Variants in ZNF506 observed in about 807,000 individuals in gnomAD.
ZNF506 encodes the protein zinc finger protein 506.
In ZNF506, 10 loss-of-function variants were observed where a neutral mutation model predicts 11.6. The ratio of observed to expected loss-of-function variants is 0.86; its 90% CI spans 0.53 to 1.46. The LOEUF (loss-of-function observed/expected upper bound fraction) is 1.46, where lower values mean the gene tolerates loss of function less well. Among genes scored for constraint, ZNF506 ranks in the 40% most tolerant of loss-of-function variants. ZNF506 has a pLI of 0.00. For synonymous variants in ZNF506, 156 were observed against 173.3 expected (o/e 0.90, Z 0.78); for missense variants, 425 against 521.2 (o/e 0.82, Z 1.80).
intron 2 of ZNF506, 45 bp from the exon 3 acceptor site, chr19:19,806,171 C>T: frequency 7.1e-7 from 1 of 1,415,578 alleles, no homozygotes; most frequent in Non-Finnish European, 9.8e-7. Flanking sequence ...TCATATTCTC[C>T]AATTACAAGC....
rs200526828 is a variant in ZNF506, at chr19:19,794,702, T to G, written c.1185A>C (p.Lys395Asn). Residue 395 changes from lysine to asparagine, a missense_variant, in exon 4 of 4, where the codon AAA (lysine) becomes AAC (asparagine). Coordinates refer to ENST00000540806, the MANE Select transcript of ZNF506 (RefSeq NM_001099269.3). ...TGCCACATTCTTCACATTTGTACGGTTTCTCTCCAGTATGAATTATCTTAT... is the reference window on the plus strand; with the variant it reads ...TGCCACATTCTTCACATTTGTACGGGTTCTCTCCAGTATGAATTATCTTAT... The part of the protein sequence containing the change: ...TEHKIIHTGE[K>N]PYKCEECGKA... 2.5e-5 allele frequency: 40 copies of G among 1,614,050 alleles called. No individual in the cohort carries two copies. The East Asian group carries it at 8.7e-4, about 35-fold the overall frequency.
At chr19:19,802,600 G>A (rs987310341) in intron 3 of ZNF506, among the ~76,000 whole-genome samples, 1 of 152,158 alleles carries the variant, frequency 6.6e-6, no homozygotes, top group African/African-American at 2.4e-5. Flanking sequence ...TGAAAATTCT[G>A]TAATTCCCTT....
intron 3 of ZNF506, among the ~76,000 whole-genome samples, chr19:19,801,256 C>CA: frequency 6.6e-6 from 1 of 152,032 alleles, no homozygotes; most frequent in Admixed American, 6.6e-5. Flanking sequence ...TTTGGGAGGC[C>CA]AAGGCGGGTG....
chr19:19,802,143 T>G (rs2062799505), intron 3 of ZNF506, among the ~76,000 whole-genome samples: 2 of 148,370 alleles, frequency 1.3e-5, no homozygotes, highest in South Asian at 4.2e-4. Context: ...AGGTGGAGGT[T>G]GAGGTGAGCC....
At chr19:19,807,771 G>T (rs2062846825) in intron 1 of ZNF506, among the ~76,000 whole-genome samples, 1 of 152,104 alleles carries the variant, frequency 6.6e-6, no homozygotes. Context: ...GCCTCCCAAA[G>T]TGCTGGGATT....
rs375550633 is a variant in ZNF506 at position 19,806,017 on chromosome 19, T to G, written c.226+14A>C. 6.3e-7 allele frequency: 1 copy of G among 1,597,164 alleles called. No homozygotes were observed. Among genetic ancestry groups the G allele is most frequent in the Non-Finnish European group, 8.5e-7 (1 of 1,173,500 alleles). On this transcript the variant is annotated intron_variant, in intron 3 of 3. Coordinates refer to ENST00000540806, the MANE Select transcript of ZNF506 (RefSeq NM_001099269.3). The stretch of plus-strand genomic sequence containing the variant: ...TCTGTGTTGTCTGTCCTATTCATTT[T>G]CACTCGCACCTACCTGGGGGTTTGG...
At chr19:19,817,434 A>AT (rs59740974) in intron 1 of ZNF506, among the ~76,000 whole-genome samples, 1,318 of 46,188 alleles carry the variant, frequency 0.029, 16 homozygotes, top group African/African-American at 0.074. Flanking sequence ...CGTAAATCTG[A>AT]TTTTTTTTTT....
intron 3 of ZNF506, chr19:19,799,010 T>C (rs2062768867): frequency 6.6e-6 from 1 of 152,592 alleles, no homozygotes; most frequent in Non-Finnish European, 1.5e-5. Flanking sequence ...ACTAACAAAA[T>C]GAGAGCAGAA....
intron 1 of ZNF506, among the ~76,000 whole-genome samples, chr19:19,807,453 C>T (rs925691512): frequency 5.3e-5 from 8 of 152,064 alleles, no homozygotes; most frequent in African/African-American, 1.7e-4. Flanking sequence ...AATAAGCTGA[C>T]GACCTTGTTA....
Position 19,793,549 on chromosome 19 carries a change from A to C in ZNF506, c.*1003T>G, listed in dbSNP as rs945673106. On this transcript the variant is annotated 3_prime_UTR_variant, in exon 4 of 4. Coordinates refer to ENST00000540806, the MANE Select transcript of ZNF506 (RefSeq NM_001099269.3). ...TCTGTGATACAAGTAAAGGTACTAC[A>C]ACCCCCCCTTATATTTGTAATAGCT... 5.3e-5 allele frequency among the ~76,000 whole-genome samples: 8 copies of C among 152,212 alleles called. No homozygotes were observed. Among genetic ancestry groups the C allele is most frequent in the African/African-American group, 1.9e-4 (8 of 41,460 alleles).
rs757160026 is a variant in ZNF506 at position 19,808,108 on chromosome 19, C to CTTTTTTTTTTTTTTTTTTTTTTTT, written c.4-1064_4-1041dup. On this transcript the variant is annotated intron_variant, in intron 1 of 3. Transcript: ENST00000540806. ...ACTTAACCAAGTGAATCATTAACCA[C>CTTTTTTTTTTTTTTTTTTTTTTTT]TTTTTTTTTTTTTTTTTTTTTTTTT... Among the ~76,000 whole-genome samples the CTTTTTTTTTTTTTTTTTTTTTTTT allele has an allele frequency of 5.3e-5, 3 of 56,730 alleles. 1 individual carries two copies. Among genetic ancestry groups the CTTTTTTTTTTTTTTTTTTTTTTTT allele is most frequent in the Admixed American group, 2.7e-4 (1 of 3,742 alleles). The allele number at this position is 56,730 out of a possible 152,430, so 37.2% of individuals were successfully genotyped here.
In ZNF506 at chr19:19,813,845, G is replaced by A. The variant is rs115266021; in HGVS notation, c.4-6777C>T. 3.5e-3 allele frequency among the ~76,000 whole-genome samples: 526 copies of A among 152,164 alleles called. 5 individuals are homozygous for A. Among genetic ancestry groups the A allele is most frequent in the African/African-American group, 0.012 (503 of 41,508 alleles). On this transcript the variant is annotated intron_variant, in intron 1 of 3. Transcript: ENST00000540806. ...AGAAAAACTGGCCAGGTGTGGTAAC[G>A]CCCGCATGTAGTCCCAGCTACTTGG...
intron 3 of ZNF506, among the ~76,000 whole-genome samples, chr19:19,800,896 C>A (rs1465391906): frequency 6.6e-6 from 1 of 151,914 alleles, no homozygotes; most frequent in Non-Finnish European, 1.5e-5. Context: ...AGCGGTGGCT[C>A]GCACCTGTAA....
In ZNF506 at chr19:19,807,031, GAGA is replaced by G. The variant is rs1432825360; in HGVS notation, c.38_40del (p.Phe13del). ...GTCCAGGCAATGCCACTCCTCCAGA[GAGA>G]ATTCTATGGCCACATCTCTAAATTG... On this transcript the variant is annotated inframe_deletion, in exon 2 of 4. Coordinates refer to ENST00000540806, the MANE Select transcript of ZNF506 (RefSeq NM_001099269.3). 6.2e-7 allele frequency: 1 copy of G among 1,614,006 alleles called. No individual in the cohort carries two copies. The highest frequency in any genetic ancestry group is 1.3e-5 in the African/African-American group (1 of 75,026).
At chr19:19,804,938 T>TCC (rs1568476497) in intron 3 of ZNF506, among the ~76,000 whole-genome samples, 7 of 143,916 alleles carry the variant, frequency 4.9e-5, no homozygotes, top group African/African-American at 1.6e-4. Context: ...TGTCATGGGG[T>TCC]GGGGGGATGG....
intron 1 of ZNF506, among the ~76,000 whole-genome samples, chr19:19,811,394 A>G (rs60041535): frequency 0.2 from 30,735 of 152,074 alleles, 3,222 homozygotes; most frequent in East Asian, 0.29. Context: ...TCCTGACCTC[A>G]TGATTCGCCT....
chr19:19,814,855 G>A (rs2062916796), intron 1 of ZNF506, among the ~76,000 whole-genome samples: 1 of 152,154 alleles, frequency 6.6e-6, no homozygotes, highest in Non-Finnish European at 1.5e-5. Context: ...AAAATGCTAG[G>A]ATGGTGGAGA....
chr19:19,798,307 T>C (rs1426400248), intron 3 of ZNF506: 1 of 152,084 alleles, frequency 6.6e-6, no homozygotes, highest in African/African-American at 2.4e-5. Context: ...TTAAAATATA[T>C]TGTTGGATCT....
chr19:19,821,681 G>C lies in ZNF506; in HGVS notation c.-78C>G, dbSNP rs139710008. ...GCAGGTCACAGGGCCACAGAGGCTG[G>C]GCCTCTAGGAGCTGACGGCACAGAG... On this transcript the variant is annotated 5_prime_UTR_variant, in exon 1 of 4. Transcript: ENST00000540806. 8.1e-4 allele frequency: 1,283 copies of C among 1,575,796 alleles called. 45 individuals are homozygous for C. The East Asian group carries it at 0.028, about 35-fold the overall frequency.
Sources: allele counts gnomAD v4.1 joint callset (sites outside exome capture counted in the v4.1 genomes callset), GRCh38; gene constraint gnomAD v4.1.1; transcripts MANE v1.5; gene names NCBI Gene and HGNC (gene_info 2026-07-23, HGNC 2026-07-21).